ARIH1: variants seen among roughly 807,000 people sequenced by gnomAD.
ARIH1 encodes the protein E3 ubiquitin-protein ligase ARIH1.
A neutral mutation model predicts 85.0 loss-of-function variants in ARIH1; 8 were observed. The ratio of observed to expected loss-of-function variants is 0.09; its 90% confidence interval spans 0.06 to 0.17. ARIH1 has a LOEUF of 0.17. Ranked by LOEUF, ARIH1 falls within the 10% of genes least tolerant of loss-of-function variation. The pLI, the probability that ARIH1 is intolerant of heterozygous loss-of-function variation, is 1.00. For missense variants in ARIH1, 311 were observed against 718.1 expected (o/e 0.43, Z 6.48); for synonymous variants, 238 against 253.6 (o/e 0.94, Z 0.59).
intron 12 of ARIH1, among the ~76,000 whole-genome samples, chr15:72,581,263 T>C (rs1435223636): frequency 6.6e-6 from 1 of 152,206 alleles, no homozygotes; most frequent in East Asian, 1.9e-4. Context: ...GCTCTGTTGA[T>C]TTGGAGCAAA....
In ARIH1 at chr15:72,572,347, C is replaced by T. The variant is rs1595873277; in HGVS notation, c.1215+182C>T. 1.6e-5 allele frequency: 7 copies of T among 451,354 alleles called. No homozygotes were observed. The East Asian group carries it at 2.8e-4, about 18-fold the overall frequency. The allele number at this position is 451,354 out of a possible 1,614,324, so 28.0% of individuals were successfully genotyped here. ...CCACCTCCTGGGTTCAAGTGATTCT[C>T]CTGCCTCAGCCTCCTGAGTAGCTGG... On this transcript the variant is annotated intron_variant, in intron 11 of 13. Coordinates refer to ENST00000379887, the MANE Select transcript of ARIH1 (RefSeq NM_005744.5).
intron 1 of ARIH1, among the ~76,000 whole-genome samples, chr15:72,481,917 A>G (rs564783913): frequency 2.0e-5 from 3 of 151,822 alleles, no homozygotes; most frequent in South Asian, 2.1e-4. Context: ...GCTCACTGCA[A>G]CCTTCGCCTG....
rs1244940391 is a variant in ARIH1 at position 72,544,812 on chromosome 15, T to C, written c.444-8T>C. The stretch of plus-strand genomic sequence containing the variant: ...TGGGCTCTTATCCTTTCTGTTTAAA[T>C]AATGCAGGTACTTTGATGGAAACCT... On this transcript the variant is annotated splice_polypyrimidine_tract_variant and splice_region_variant and intron_variant, in intron 2 of 13. Transcript: ENST00000379887. 1 of 1,608,306 alleles carries C rather than the reference T, an allele frequency of 6.2e-7. No homozygotes were observed. Among genetic ancestry groups the C allele is most frequent in the African/African-American group, 1.3e-5 (1 of 74,822 alleles).
chr15:72,474,686 A>G lies in ARIH1; in HGVS notation c.47A>G (p.Glu16Gly). Residue 16 changes from glutamate to glycine, a missense_variant, in exon 1 of 14, where the codon GAG (glutamate) becomes GGG (glycine). Coordinates refer to ENST00000379887, the MANE Select transcript of ARIH1 (RefSeq NM_005744.5). ...GYNYEFDEDE[E>G]CSEEDSGAEE... The stretch of plus-strand genomic sequence containing the variant: ...AACTACGAGTTCGACGAGGACGAGG[A>G]GTGCAGTGAGGAGGACAGCGGCGCC... 1 of 1,574,582 alleles carries G rather than the reference A, an allele frequency of 6.4e-7. No homozygotes were observed. Among genetic ancestry groups the G allele is most frequent in the Non-Finnish European group, 8.6e-7 (1 of 1,161,856 alleles).
Position 72,598,705 on chromosome 15 carries a change from C to G in ARIH1, c.*15413C>G, listed in dbSNP as rs2064371649. On this transcript the variant is annotated 3_prime_UTR_variant, in exon 14 of 14. Coordinates refer to ENST00000379887, the MANE Select transcript of ARIH1 (RefSeq NM_005744.5). ...CTCCAGCCTGGGTGACAGAGCAAGA[C>G]TCCCTCTCAAAAAAAAAAAAAAAAA... is the stretch of plus-strand genomic sequence containing the variant. 1 of 135,692 alleles carries G rather than the reference C, an allele frequency of 7.4e-6. No individual in the cohort carries two copies. Among genetic ancestry groups the G allele is most frequent in the Non-Finnish European group, 1.6e-5 (1 of 61,202 alleles). The allele number at this position is 135,692 out of a possible 1,614,324, so 8.4% of individuals were successfully genotyped here. A position where few individuals can be genotyped will look rare whatever the true frequency, so the allele number is the denominator to read the frequency against.
intron 2 of ARIH1, among the ~76,000 whole-genome samples, chr15:72,528,146 C>T (rs1334355330): frequency 6.6e-6 from 1 of 152,022 alleles, no homozygotes; most frequent in Non-Finnish European, 1.5e-5. Context: ...TTTAAAAACT[C>T]ATTTCAGTTG....
At chr15:72,512,643 A>G (rs1052988443) in intron 1 of ARIH1, among the ~76,000 whole-genome samples, 9 of 150,096 alleles carry the variant, frequency 6.0e-5, no homozygotes, top group African/African-American at 2.0e-4. Flanking sequence ...ATTTTCTTAC[A>G]TAAGCATTTA....
In ARIH1 at chr15:72,599,385, T is replaced by C. The variant is rs761649155; in HGVS notation, c.*16093T>C. ...TACAAAGTTAAATTTTGTAGAATCA[T>C]AAAGAAAAGCAACACCTTCCCATCT... On this transcript the variant is annotated 3_prime_UTR_variant, in exon 14 of 14. Coordinates refer to ENST00000379887, the MANE Select transcript of ARIH1 (RefSeq NM_005744.5). The C allele has an allele frequency of 6.6e-6, 1 of 152,220 alleles. No individual in the cohort carries two copies. The highest frequency in any genetic ancestry group is 1.5e-5 in the Non-Finnish European group (1 of 68,036). 9.4% of individuals were successfully genotyped at this position (152,220 alleles called of 1,614,324 possible).
rs1378395543 is a variant in ARIH1, at chr15:72,535,776, T to A, written c.444-9044T>A. ...AGACCATTAAGCAGAGGGTGTAGAT[T>A]TCCTTTAATGCACGTATTTGGAAAG... On this transcript the variant is annotated intron_variant, in intron 2 of 13. Transcript: ENST00000379887. Among the ~76,000 whole-genome samples the A allele has an allele frequency of 2.1e-5, 3 of 145,308 alleles. No individual in the cohort carries two copies. The East Asian group carries it at 6.1e-4, about 30-fold the overall frequency.
chr15:72,516,773 C>T (rs886617212), intron 1 of ARIH1, among the ~76,000 whole-genome samples: 2 of 152,184 alleles, frequency 1.3e-5, no homozygotes, highest in African/African-American at 4.8e-5. Context: ...TTTCATGACA[C>T]TATTTTTATA....
At chr15:72,529,465 A>C (rs770863090) in intron 2 of ARIH1, among the ~76,000 whole-genome samples, 4 of 152,196 alleles carry the variant, frequency 2.6e-5, no homozygotes, top group Non-Finnish European at 5.9e-5. Context: ...CCTGGACTCA[A>C]GCAGTCCTCC....
At chr15:72,512,131 G>C (rs1176909351) in intron 1 of ARIH1, among the ~76,000 whole-genome samples, 1 of 151,958 alleles carries the variant, frequency 6.6e-6, no homozygotes, top group African/African-American at 2.4e-5. Context: ...AAATGTCTTT[G>C]TCGGATTTTG....
chr15:72,529,792 A>G (rs187441683), intron 2 of ARIH1, among the ~76,000 whole-genome samples: 75 of 152,296 alleles, frequency 4.9e-4, no homozygotes, highest in South Asian at 8.3e-4. Flanking sequence ...TAAGGAATAT[A>G]TGTTGAACAA....
At chr15:72,503,311 G>A (rs2063911319) in intron 1 of ARIH1, among the ~76,000 whole-genome samples, 1 of 152,180 alleles carries the variant, frequency 6.6e-6, no homozygotes, top group South Asian at 2.1e-4. Flanking sequence ...GTTATCAAGA[G>A]GCTTTTGTGG....
intron 6 of ARIH1, among the ~76,000 whole-genome samples, chr15:72,562,834 A>G (rs964548486): frequency 1.3e-5 from 2 of 152,104 alleles, no homozygotes; most frequent in African/African-American, 4.8e-5. Flanking sequence ...GGGATTTTGA[A>G]GATAGAACAA....
chr15:72,554,383 T>C (rs2064165954), intron 3 of ARIH1, among the ~76,000 whole-genome samples: 3 of 152,194 alleles, frequency 2.0e-5, no homozygotes, highest in Admixed American at 1.3e-4. Flanking sequence ...ACACTTGTTA[T>C]TAATATTGGC....
At chr15:72,558,655 TATTA>T (rs2064185117) in intron 5 of ARIH1, among the ~76,000 whole-genome samples, 1 of 152,252 alleles carries the variant, frequency 6.6e-6, no homozygotes, top group African/African-American at 2.4e-5. Context: ...AGAATTGTCT[TATTA>T]ATGACCAGAG....
At chr15:72,532,954 TATC>T (rs2064064138) in intron 2 of ARIH1, among the ~76,000 whole-genome samples, 2 of 152,244 alleles carry the variant, frequency 1.3e-5, no homozygotes, top group South Asian at 4.1e-4. Context: ...TTGTAGGAGA[TATC>T]ATAGTTTATC....
At chr15:72,576,546 TGCATTTAGTAA>T (rs2064272456) in intron 11 of ARIH1, among the ~76,000 whole-genome samples, 1 of 151,096 alleles carries the variant, frequency 6.6e-6, no homozygotes, top group East Asian at 1.9e-4. Context: ...TGATAGTGGT[TGCATTTAGTAA>T]GCATTTATTA....
Sources: allele counts gnomAD v4.1 joint callset (sites outside exome capture counted in the v4.1 genomes callset), GRCh38; gene constraint gnomAD v4.1.1; transcripts MANE v1.5; gene names NCBI Gene and HGNC (gene_info 2026-07-23, HGNC 2026-07-21).